The following RAP1GAP2 variants were observed in gnomAD, a reference collection of about 807,000 sequenced individuals.
The protein encoded by RAP1GAP2 is rap1 GTPase-activating protein 2.
RAP1GAP2 carries 27 observed loss-of-function variants against 95.0 expected under a neutral mutation model. The ratio of observed to expected loss-of-function variants is 0.28; its 90% confidence interval spans 0.21 to 0.39. The LOEUF (loss-of-function observed/expected upper bound fraction) is 0.39, where lower values mean the gene tolerates loss of function less well. Among genes scored for constraint, RAP1GAP2 ranks in the 10% least tolerant of loss-of-function variants. RAP1GAP2 has a pLI of 1.00. For synonymous variants in RAP1GAP2, 373 were observed against 380.9 expected, an observed-to-expected ratio of 0.98 and a Z score of 0.24; for missense variants, 771 against 970.0, an observed-to-expected ratio of 0.79 and a Z score of 2.72.
chr17:2,905,209 G>C, intron 2 of RAP1GAP2, 75 bp from the exon 3 acceptor site: 2 of 1,390,258 alleles, frequency 1.4e-6, no homozygotes, highest in Non-Finnish European at 2.0e-6. Flanking sequence ...CTGTGTCCGA[G>C]AGCCCAGTCA....
intron 3 of RAP1GAP2, among the ~76,000 whole-genome samples, chr17:2,915,940 C>T (rs1263692646): frequency 3.9e-5 from 6 of 151,954 alleles, no homozygotes; most frequent in African/African-American, 7.3e-5. Flanking sequence ...TCTCGTGATC[C>T]GCCCGCCTCA....
intron 2 of RAP1GAP2, among the ~76,000 whole-genome samples, chr17:2,820,153 A>T (rs1199443612): frequency 2.0e-5 from 3 of 151,924 alleles, no homozygotes; most frequent in Non-Finnish European, 4.4e-5. Flanking sequence ...TCCCCCATTG[A>T]TCCCCTCTTG....
chr17:2,988,169 C>T (rs2045622188), intron 11 of RAP1GAP2, among the ~76,000 whole-genome samples: 1 of 151,306 alleles, frequency 6.6e-6, no homozygotes, highest in South Asian at 2.1e-4. Flanking sequence ...GAGATCGTGC[C>T]ATTGCACTCC....
intron 2 of RAP1GAP2, among the ~76,000 whole-genome samples, chr17:2,841,048 G>A (rs2071353734): frequency 6.7e-6 from 1 of 149,592 alleles, no homozygotes. Flanking sequence ...CCAGCTGCTT[G>A]GGAAGCTGAG....
upstream of RAP1GAP2, among the ~76,000 whole-genome samples, chr17:2,795,273 C>A (rs1203442251): frequency 1.3e-5 from 2 of 151,956 alleles, no homozygotes; most frequent in South Asian, 2.1e-4. Flanking sequence ...TGTGCCCACT[C>A]CCCCCAGTGT....
chr17:2,881,260 C>CA (rs144994676), intron 2 of RAP1GAP2, among the ~76,000 whole-genome samples: 24,834 of 119,868 alleles, frequency 0.21, 2,422 homozygotes, highest in South Asian at 0.43. Context: ...GACTCTGCCT[C>CA]AAAAAAAAAA....
intron 2 of RAP1GAP2, among the ~76,000 whole-genome samples, chr17:2,854,601 T>G (rs1448126174): frequency 6.6e-6 from 1 of 150,570 alleles, no homozygotes; most frequent in Non-Finnish European, 1.5e-5. Flanking sequence ...CCCACCGCCA[T>G]AGGGTGACTT....
rs2151665369 is a variant in RAP1GAP2, at chr17:3,027,940, T to C, written c.2107+870T>C. 6.6e-6 allele frequency among the ~76,000 whole-genome samples: 1 copy of C among 151,958 alleles called. No homozygotes were observed. The highest frequency in any genetic ancestry group is 2.1e-4 in the South Asian group (1 of 4,812). On this transcript the variant is annotated intron_variant, in intron 22 of 24. Transcript: ENST00000254695. This position sits in a 1 kb window ranked among gnomAD's most constrained non-coding sequence, Gnocchi z 5.2. Reference sequence around the variant, plus strand: ...CTGTGATCCCTGCAGTTGGTCAGAATAGGGGGGCCAGCACCTGAGGGCCGT... The same window carrying C: ...CTGTGATCCCTGCAGTTGGTCAGAACAGGGGGGCCAGCACCTGAGGGCCGT...
intron 3 of RAP1GAP2, among the ~76,000 whole-genome samples, chr17:2,913,728 T>C (rs2042469107): frequency 6.6e-6 from 1 of 152,226 alleles, no homozygotes; most frequent in Non-Finnish European, 1.5e-5. Context: ...TACACCCACG[T>C]GAGCCATACC....
At chr17:3,019,522 A>G (rs1415322857) in intron 18 of RAP1GAP2, among the ~76,000 whole-genome samples, 1 of 152,198 alleles carries the variant, frequency 6.6e-6, no homozygotes, top group Non-Finnish European at 1.5e-5. Context: ...TCCAAATCTA[A>G]GTAACTAAAG....
At chr17:2,787,432 T>A (rs533266942) in intron 1 of RAP1GAP2, among the ~76,000 whole-genome samples, 10 of 152,112 alleles carry the variant, frequency 6.6e-5, no homozygotes, top group East Asian at 5.8e-4. Flanking sequence ...TTTAAAAAAA[T>A]TTTTGTACAG....
Position 3,004,009 on chromosome 17 carries a change from G to A in RAP1GAP2, c.1201-1360G>A, listed in dbSNP as rs1406766477. Among the ~76,000 whole-genome samples, 1 of 152,188 alleles carries A rather than the reference G, an allele frequency of 6.6e-6. No individual in the cohort carries two copies. Among genetic ancestry groups the A allele is most frequent in the East Asian group, 1.9e-4 (1 of 5,190 alleles). ...CACTCTAATGCAGGCTGGAGGAGGA[G>A]GGGGAGTGGGGTGGGAAGGGCAGAG... On this transcript the variant is annotated intron_variant, in intron 14 of 24. Transcript: ENST00000254695. This position sits in a 1 kb window ranked among gnomAD's most constrained non-coding sequence, Gnocchi z 4.1.
At chr17:2,771,510 T>TTTTTTG (rs2068397017) in intron 2 of RAP1GAP2, among the ~76,000 whole-genome samples, 1 of 151,234 alleles carries the variant, frequency 6.6e-6, no homozygotes, top group African/African-American at 2.4e-5. Context: ...TTTTTTTTTT[T>TTTTTTG]TAGATAGAGT....
At chr17:2,786,087 G>A (rs1436346414) in intron 1 of RAP1GAP2, among the ~76,000 whole-genome samples, 1 of 152,070 alleles carries the variant, frequency 6.6e-6, no homozygotes, top group African/African-American at 2.4e-5. Flanking sequence ...TTTTAGGAGA[G>A]ACGGGGTTTC....
chr17:2,876,318 T>C (rs1485621315), intron 2 of RAP1GAP2, among the ~76,000 whole-genome samples: 1 of 152,150 alleles, frequency 6.6e-6, no homozygotes, highest in Non-Finnish European at 1.5e-5. Context: ...GAGTGACCAA[T>C]GTAGCCCCAG....
intron 13 of RAP1GAP2, among the ~76,000 whole-genome samples, chr17:2,997,854 C>T (rs1481420998): frequency 3.4e-5 from 5 of 146,286 alleles, no homozygotes; most frequent in Admixed American, 2.1e-4. Context: ...ACCCAGGAGG[C>T]GGAGGTTGCA....
At chr17:2,762,397 CTTTTTTT>C (rs71150894) in intron 1 of RAP1GAP2, among the ~76,000 whole-genome samples, 4 of 124,208 alleles carry the variant, frequency 3.2e-5, no homozygotes, top group African/African-American at 8.9e-5. Flanking sequence ...TTTTTTCTTT[CTTTTTTT>C]TTTTTTTTTT....
Position 2,904,378 on chromosome 17 carries a change from C to T in RAP1GAP2, c.81-906C>T, listed in dbSNP as rs1005077706. ...AGATGGAAAGTGGGGAGTGTGTGAGCGCGGCAAACTTGTCGCAGTCATGTT... is the reference window on the plus strand; with the variant it reads ...AGATGGAAAGTGGGGAGTGTGTGAGTGCGGCAAACTTGTCGCAGTCATGTT... On this transcript the variant is annotated intron_variant, in intron 2 of 24. Transcript: ENST00000254695. This position sits in a 1 kb window ranked among gnomAD's most constrained non-coding sequence, Gnocchi z 4.7. Among the ~76,000 whole-genome samples the T allele has an allele frequency of 8.5e-5, 13 of 152,122 alleles. No individual in the cohort carries two copies. Among genetic ancestry groups the T allele is most frequent in the Middle Eastern group, 3.2e-3 (1 of 316 alleles).
chr17:2,830,050 C>A (rs1272165978), intron 2 of RAP1GAP2, among the ~76,000 whole-genome samples: 1 of 152,120 alleles, frequency 6.6e-6, no homozygotes, highest in Non-Finnish European at 1.5e-5. Context: ...ACCCTCTTAA[C>A]AGACTTTTAA....
Sources: gnomAD v4.1 joint callset for allele counts (sites outside exome capture counted in the v4.1 genomes callset) on GRCh38, gnomAD v4.1.1 for gene constraint, Gnocchi (gnomAD v3.1) non-coding constraint, MANE v1.5 for transcripts, NCBI Gene and HGNC (gene_info 2026-07-23, HGNC 2026-07-21) for gene names.